Variants in PCDHA3 observed in about 807,000 individuals in gnomAD.
The protein encoded by PCDHA3 is protocadherin alpha-3.
In PCDHA3, 41 loss-of-function variants were observed where a neutral mutation model predicts 62.2. The ratio of observed to expected loss-of-function variants is 0.66; its 90% CI spans 0.51 to 0.86. The LOEUF (loss-of-function observed/expected upper bound fraction) is 0.86. PCDHA3 is among the 40% of genes least tolerant of loss of function. PCDHA3 has a pLI of 0.00. For missense variants in PCDHA3, 1,304 were observed against 1,241.2 expected (o/e 1.05, Z -0.76); for synonymous variants, 640 against 555.4 (o/e 1.15, Z -2.14).
intron 1 of PCDHA3, among the ~76,000 whole-genome samples, chr5:140,935,104 A>G (rs1233919640): frequency 2.0e-5 from 3 of 152,126 alleles, no homozygotes; most frequent in Non-Finnish European, 4.4e-5. Context: ...GCCATTTTTC[A>G]AAGAGCTTTC....
intron 1 of PCDHA3, among the ~76,000 whole-genome samples, chr5:140,911,719 G>C (rs1184939092): frequency 6.6e-6 from 1 of 151,412 alleles, no homozygotes; most frequent in African/African-American, 2.5e-5. Context: ...GTGTAACTCT[G>C]TAAACAGTTC....
chr5:140,992,976 AG>A (rs2097535791), intron 3 of PCDHA3, among the ~76,000 whole-genome samples: 3 of 152,240 alleles, frequency 2.0e-5, no homozygotes, highest in Non-Finnish European at 4.4e-5. Flanking sequence ...GACAATGATT[AG>A]GCCATGGGAC....
intron 1 of PCDHA3, chr5:140,814,796 A>G (rs2126658940): frequency 6.6e-6 from 1 of 152,282 alleles, no homozygotes; most frequent in Non-Finnish European, 1.5e-5. Flanking sequence ...TTGTTATACA[A>G]CACTTGACTT....
chr5:140,842,323 C>A (rs2150334082), intron 1 of PCDHA3: 2 of 1,607,134 alleles, frequency 1.2e-6, no homozygotes. Flanking sequence ...CGGGTCATTG[C>A]ACCGTTTTAG....
chr5:140,803,103 G>T lies in PCDHA3; in HGVS notation c.1906G>T (p.Ala636Ser). ...LYTGEISTTR[A>S]LDEVDAPRHR... ...CACGGGAGAGATCAGCACGACCCGT[G>T]CCCTGGACGAGGTGGACGCCCCGCG... The change falls in exon 1 of 4, where the codon GCC becomes TCC. Residue 636 changes from alanine (A) to serine (S), a missense_variant. Transcript: ENST00000522353. The T allele has an allele frequency of 1.2e-6, 2 of 1,613,824 alleles. No individual in the cohort carries two copies. Among genetic ancestry groups the T allele is most frequent in the Non-Finnish European group, 1.7e-6 (2 of 1,179,920 alleles).
chr5:141,008,515 A>G (rs1430400139), intron 3 of PCDHA3, among the ~76,000 whole-genome samples: 1 of 152,126 alleles, frequency 6.6e-6, no homozygotes, highest in Non-Finnish European at 1.5e-5. Context: ...GTGTCTTCCA[A>G]TCAGACTCTT....
chr5:140,876,803 A>G lies in PCDHA3; in HGVS notation c.2394+73212A>G, dbSNP rs201565376. The G allele has an allele frequency of 1.6e-4, 261 of 1,614,140 alleles. 4 individuals are homozygous for G. In the East Asian group the frequency reaches 3.7e-3, roughly 23 times the overall value. On this transcript the variant is annotated intron_variant, in intron 1 of 3. Coordinates refer to ENST00000522353, the MANE Select transcript of PCDHA3 (RefSeq NM_018906.3). ...TGGGCCACGGCTAGAGTGTCCGTGG[A>G]GGTGGCCGACGTGAACGACAATGCG...
chr5:140,850,903 G>A (rs2150501679), intron 1 of PCDHA3: 2 of 1,560,976 alleles, frequency 1.3e-6, no homozygotes, highest in Admixed American at 1.9e-5. Flanking sequence ...GGTTTTTCTA[G>A]CATTTTATTT....
intron 1 of PCDHA3, chr5:140,871,242 G>T: frequency 6.2e-7 from 1 of 1,613,980 alleles, no homozygotes; most frequent in South Asian, 1.1e-5. Flanking sequence ...TGGTACTCAC[G>T]CTGCTGCTGT....
intron 1 of PCDHA3, among the ~76,000 whole-genome samples, chr5:140,908,084 T>G (rs2073791096): frequency 6.6e-6 from 1 of 152,202 alleles, no homozygotes; most frequent in Non-Finnish European, 1.5e-5. Context: ...CACAACCAGG[T>G]GCACTGATTG....
intron 1 of PCDHA3, chr5:140,876,767 C>G (rs1462172871): frequency 6.2e-7 from 1 of 1,614,076 alleles, no homozygotes. Flanking sequence ...GATGGGGGCT[C>G]GCCTTCGCTG....
intron 3 of PCDHA3, among the ~76,000 whole-genome samples, chr5:140,991,325 G>C (rs899183687): frequency 3.3e-5 from 5 of 152,184 alleles, no homozygotes; most frequent in Non-Finnish European, 5.9e-5. Flanking sequence ...GATACATGAA[G>C]GGAATAGCTT....
chr5:140,979,615 A>G (rs965487699), intron 2 of PCDHA3, among the ~76,000 whole-genome samples: 1 of 152,258 alleles, frequency 6.6e-6, no homozygotes, highest in Non-Finnish European at 1.5e-5. Context: ...GAGTAACGGT[A>G]TTAGTCTAAG....
At chr5:140,925,526 CGAG>C (rs2082539432) in intron 1 of PCDHA3, among the ~76,000 whole-genome samples, 1 of 151,910 alleles carries the variant, frequency 6.6e-6, no homozygotes, top group South Asian at 2.1e-4. Flanking sequence ...AAATTAAAAG[CGAG>C]GAGAAATACC....
At chr5:140,865,776 T>C (rs1179893870) in intron 1 of PCDHA3, 1 of 152,204 alleles carries the variant, frequency 6.6e-6, no homozygotes, top group African/African-American at 2.4e-5. Flanking sequence ...ATTATTCAAA[T>C]GTGTATCTTT....
chr5:141,006,979 G>T (rs1236461454), intron 3 of PCDHA3, among the ~76,000 whole-genome samples: 1 of 152,156 alleles, frequency 6.6e-6, no homozygotes, highest in Non-Finnish European at 1.5e-5. Context: ...ACAGAGAGAT[G>T]TGGGCTTAAA....
intron 2 of PCDHA3, among the ~76,000 whole-genome samples, chr5:140,981,353 C>G (rs551731316): frequency 6.6e-6 from 1 of 152,048 alleles, no homozygotes; most frequent in East Asian, 1.9e-4. Context: ...GCAGGTGGAT[C>G]ACTTGAGGTC....
At chr5:140,867,813 C>T (rs1189080463) in intron 1 of PCDHA3, 1 of 152,032 alleles carries the variant, frequency 6.6e-6, no homozygotes, top group Non-Finnish European at 1.5e-5. Context: ...TATGAAATTC[C>T]ATTTCCACAA....
intron 1 of PCDHA3, among the ~76,000 whole-genome samples, chr5:140,840,213 T>C (rs1554137734): frequency 6.6e-6 from 1 of 152,020 alleles, no homozygotes; most frequent in Non-Finnish European, 1.5e-5. Flanking sequence ...GTCATAAAAA[T>C]ACATATGAGT....
Sources: allele counts gnomAD v4.1 joint callset (sites outside exome capture counted in the v4.1 genomes callset), GRCh38; gene constraint gnomAD v4.1.1; transcripts MANE v1.5; gene names NCBI Gene and HGNC (gene_info 2026-07-23, HGNC 2026-07-21).